Variants in PCDHGB6 observed in about 807,000 individuals in gnomAD.
PCDHGB6 encodes the protein protocadherin gamma-B6.
Under a neutral mutation model 59.1 loss-of-function variants are expected in PCDHGB6, and 51 were observed. That is an observed-to-expected ratio of 0.86 (90% CI 0.69 to 1.09). The LOEUF is 1.09. Among genes scored for constraint, PCDHGB6 ranks in the 50% least tolerant of loss-of-function variants. PCDHGB6 has a pLI of 0.00. For missense variants in PCDHGB6, 1,148 were observed against 1,205.1 expected, an observed-to-expected ratio of 0.95 and a Z score of 0.70; for synonymous variants, 466 against 495.1, an observed-to-expected ratio of 0.94 and a Z score of 0.78.
chr5:141,480,065 A>G (rs2099511928), intron 1 of PCDHGB6, among the ~76,000 whole-genome samples: 1 of 152,220 alleles, frequency 6.6e-6, no homozygotes, highest in Non-Finnish European at 1.5e-5. Flanking sequence ...TAAGTGTTTT[A>G]TAAGATTCAT....
At chr5:141,448,143 A>C (rs2098568288) in intron 1 of PCDHGB6, among the ~76,000 whole-genome samples, 1 of 152,012 alleles carries the variant, frequency 6.6e-6, no homozygotes, top group Admixed American at 6.6e-5. Context: ...ACTATACCTC[A>C]GACTCACCCC....
Position 141,486,585 on chromosome 5 carries a change from G to A in PCDHGB6, c.2419-8222G>A. The A allele has an allele frequency of 6.2e-7, 1 of 1,613,708 alleles. No individual in the cohort carries two copies. The highest frequency in any genetic ancestry group is 1.1e-5 in the South Asian group (1 of 91,080). ...TTTGTTCCTGAGAACAATCGCCCAG[G>A]GGACCTGCTTTGCTCCCTTGCAGCC... On this transcript the variant is annotated intron_variant, in intron 1 of 3. Transcript: ENST00000520790. The surrounding 1 kb of genome is among the most constrained non-coding windows in gnomAD (Gnocchi z 5.0).
At chr5:141,481,913 C>CAA (rs34114744) in intron 1 of PCDHGB6, among the ~76,000 whole-genome samples, 26 of 90,736 alleles carry the variant, frequency 2.9e-4, no homozygotes, top group Non-Finnish European at 3.5e-4. Context: ...AACTCCATCT[C>CAA]AAAAAAAAAA....
intron 1 of PCDHGB6, chr5:141,427,267 A>C (rs1361287845): frequency 6.6e-6 from 3 of 456,648 alleles, no homozygotes; most frequent in Non-Finnish European, 1.3e-5. Flanking sequence ...ATGACCAGCG[A>C]ATGTAAAATT....
chr5:141,423,121 G>T lies in PCDHGB6; in HGVS notation c.2418+12501G>T, dbSNP rs368205535. The T allele has an allele frequency of 5.6e-6, 9 of 1,613,680 alleles. No homozygotes were observed. The African/African-American group carries it at 1.1e-4, about 19-fold the overall frequency. ...CACGGGCGAGGTGCGTACAGCGCGG[G>T]CACTGCTGGACAGAGACGCGCTCAA... On this transcript the variant is annotated intron_variant, in intron 1 of 3. Coordinates refer to ENST00000520790, the MANE Select transcript of PCDHGB6 (RefSeq NM_018926.3).
In PCDHGB6 at chr5:141,511,131, C is replaced by T; in HGVS notation, c.2751C>T (p.Gly917=). ...GGGATGGCAAGGCCCCAGCAGGTGG[C>T]AATGGCAACAAGAAGAAGTCGGGCA... is the stretch of plus-strand genomic sequence containing the variant. ...GKRDGKAPAG[G]NGNKKKSGKK... is the part of the protein sequence containing the mutation. The change falls in exon 4 of 4, where the codon GGC becomes GGT. Residue 917 remains glycine (G), a synonymous_variant. Coordinates refer to ENST00000520790, the MANE Select transcript of PCDHGB6 (RefSeq NM_018926.3). 2 of 1,614,202 alleles carry T rather than the reference C, an allele frequency of 1.2e-6. No homozygotes were observed. Among genetic ancestry groups the T allele is most frequent in the Non-Finnish European group, 1.7e-6 (2 of 1,180,020 alleles).
chr5:141,449,900 A>G (rs2098658617), intron 1 of PCDHGB6, among the ~76,000 whole-genome samples: 2 of 151,878 alleles, frequency 1.3e-5, no homozygotes, highest in South Asian at 2.1e-4. Context: ...TATTTAGCCT[A>G]TAGTCCATAT....
chr5:141,460,270 C>G (rs1223096441), intron 1 of PCDHGB6, among the ~76,000 whole-genome samples: 1 of 151,828 alleles, frequency 6.6e-6, no homozygotes, highest in Non-Finnish European at 1.5e-5. Context: ...TTTATTTTTT[C>G]TTTTATAGTT....
At chr5:141,431,000 A>G (rs1272572092) in intron 1 of PCDHGB6, 4 of 1,613,898 alleles carry the variant, frequency 2.5e-6, no homozygotes, top group African/African-American at 1.3e-5. Flanking sequence ...GAATCCGCGC[A>G]GCGGCAGCTT....
At chr5:141,496,236 C>T (rs1290509264) in intron 2 of PCDHGB6, among the ~76,000 whole-genome samples, 7 of 152,138 alleles carry the variant, frequency 4.6e-5, no homozygotes, top group Middle Eastern at 3.2e-3. Flanking sequence ...GAACCCCCTG[C>T]GGGCTGAAGG....
At position 141,432,247 on chromosome 5, in the gene PCDHGB6, C is replaced by G. The variant is rs139910620; in HGVS notation, c.2418+21627C>G. 61 of 1,614,264 alleles carry G rather than the reference C, an allele frequency of 3.8e-5. No homozygotes were observed. The African/African-American group carries it at 6.3e-4, about 17-fold the overall frequency. On this transcript the variant is annotated intron_variant, in intron 1 of 3. Transcript: ENST00000520790. The surrounding 1 kb of genome is among the most constrained non-coding windows in gnomAD (Gnocchi z 6.0). ...CTTATTCCCTGGCTGAGAACACCAT[C>G]CAAGGGGCAAGCCTATCGTCCTACG...
intron 1 of PCDHGB6, chr5:141,427,998 C>G: frequency 6.2e-7 from 1 of 1,600,956 alleles, no homozygotes; most frequent in Non-Finnish European, 8.6e-7. Context: ...TGGCTCCGCA[C>G]TCTTCGATAT....
chr5:141,509,046 C>T (rs1442220429), intron 3 of PCDHGB6, among the ~76,000 whole-genome samples: 1 of 152,160 alleles, frequency 6.6e-6, no homozygotes, highest in Non-Finnish European at 1.5e-5. Flanking sequence ...CTCTCCCCCG[C>T]CCCCAGAAAG....
intron 1 of PCDHGB6, among the ~76,000 whole-genome samples, chr5:141,458,275 G>A (rs975142859): frequency 2.6e-5 from 4 of 152,142 alleles, no homozygotes; most frequent in Non-Finnish European, 5.9e-5. Flanking sequence ...GAACAACAGG[G>A]TTCCTGGTCC....
At chr5:141,422,745 C>G (rs1380262961) in intron 1 of PCDHGB6, 15 of 1,610,564 alleles carry the variant, frequency 9.3e-6, no homozygotes, top group Non-Finnish European at 1.3e-5. Flanking sequence ...CCTCCTATGT[C>G]TCTATTAACT....
In PCDHGB6 at chr5:141,477,629, C is replaced by A. The variant is rs1191573380; in HGVS notation, c.2419-17178C>A. The A allele has an allele frequency of 6.2e-7, 1 of 1,614,040 alleles. No individual in the cohort carries two copies. The highest frequency in any genetic ancestry group is 8.5e-7 in the Non-Finnish European group (1 of 1,180,040). ...CTTGGAGCAAGGAGCTGAAACCGGGCTAGTGGGTCGCTATTTCACAATAAA... is the reference window on the plus strand; with the variant it reads ...CTTGGAGCAAGGAGCTGAAACCGGGATAGTGGGTCGCTATTTCACAATAAA... On this transcript the variant is annotated intron_variant, in intron 1 of 3. Coordinates refer to ENST00000520790, the MANE Select transcript of PCDHGB6 (RefSeq NM_018926.3). The surrounding 1 kb of genome is among the most constrained non-coding windows in gnomAD (Gnocchi z 4.9).
In PCDHGB6 at chr5:141,477,147, A is replaced by G. The variant is rs1195888163; in HGVS notation, c.2419-17660A>G. On this transcript the variant is annotated intron_variant, in intron 1 of 3. Coordinates refer to ENST00000520790, the MANE Select transcript of PCDHGB6 (RefSeq NM_018926.3). The surrounding 1 kb of genome is among the most constrained non-coding windows in gnomAD (Gnocchi z 4.9). The stretch of plus-strand genomic sequence containing the variant: ...TGCAAAGTGTTGGTGGAGGTTGTGG[A>G]TGTGAATGACAACGCCCCGGAGATC... 2 of 1,614,168 alleles carry G rather than the reference A, an allele frequency of 1.2e-6. No individual in the cohort carries two copies. The highest frequency in any genetic ancestry group is 1.1e-5 in the South Asian group (1 of 91,080).
At chr5:141,427,355 C>T (rs765449381) in intron 1 of PCDHGB6, 2 of 457,430 alleles carry the variant, frequency 4.4e-6, no homozygotes, top group African/African-American at 2.0e-5. Flanking sequence ...TAACTGAGGA[C>T]GCAGAACCCT....
In PCDHGB6 at chr5:141,489,621, T is replaced by C. The variant is rs765666746; in HGVS notation, c.2419-5186T>C. 29 of 1,613,978 alleles carry C rather than the reference T, an allele frequency of 1.8e-5. No individual in the cohort carries two copies. The highest frequency in any genetic ancestry group is 1.6e-4 in the Middle Eastern group (1 of 6,084). On this transcript the variant is annotated intron_variant, in intron 1 of 3. Transcript: ENST00000520790. The surrounding 1 kb of genome is among the most constrained non-coding windows in gnomAD (Gnocchi z 4.5). ...TAGAGGTAGAGATCCTGGATCTCAATGACAACTCTCCTAGCTTTGCCACCC... is the reference window on the plus strand; with the variant it reads ...TAGAGGTAGAGATCCTGGATCTCAACGACAACTCTCCTAGCTTTGCCACCC...
Sources: allele counts gnomAD v4.1 joint callset (sites outside exome capture counted in the v4.1 genomes callset), GRCh38; gene constraint gnomAD v4.1.1; non-coding constraint Gnocchi (gnomAD v3.1); transcripts MANE v1.5; gene names NCBI Gene and HGNC (gene_info 2026-07-23, HGNC 2026-07-21).